EYA1: variants seen among roughly 807,000 people sequenced by gnomAD.
EYA1 encodes the protein EYA transcriptional coactivator and phosphatase 1.
Under a neutral mutation model 82.0 loss-of-function variants are expected in EYA1, and 16 were observed. That is an observed-to-expected ratio of 0.20 (90% CI 0.13 to 0.30). EYA1 has a LOEUF of 0.30. Ranked by LOEUF, EYA1 falls within the 10% of genes least tolerant of loss-of-function variation. EYA1 has a pLI of 1.00. For synonymous variants in EYA1, 261 were observed against 264.4 expected (o/e 0.99, Z 0.12); for missense variants, 633 against 730.7 (o/e 0.87, Z 1.54).
intron 6 of EYA1, 103 bp downstream of exon 6, chr8:71,321,631 C>T (rs563563624): frequency 2.4e-5 from 33 of 1,401,238 alleles, no homozygotes; most frequent in South Asian, 8.4e-5. Flanking sequence ...GGTGACAACA[C>T]GTTCTAAATT....
At chr8:71,516,022 C>T (rs1336427545) in intron 2 of EYA1, among the ~76,000 whole-genome samples, 1 of 152,064 alleles carries the variant, frequency 6.6e-6, no homozygotes, top group Non-Finnish European at 1.5e-5. Context: ...AACATAATCC[C>T]AATTTGCCAT....
intron 11 of EYA1, among the ~76,000 whole-genome samples, chr8:71,254,554 T>A (rs1248943449): frequency 6.6e-6 from 1 of 151,970 alleles, no homozygotes; most frequent in East Asian, 1.9e-4. Context: ...CTTTATAAAC[T>A]AGAAAGAAAA....
chr8:71,246,139 A>C (rs969246663), intron 11 of EYA1, among the ~76,000 whole-genome samples: 16 of 152,228 alleles, frequency 1.1e-4, no homozygotes, highest in Admixed American at 7.2e-4. Context: ...CTATAAAATG[A>C]ATTTTTTAAG....
At chr8:71,451,573 A>G (rs1807376783) in intron 2 of EYA1, among the ~76,000 whole-genome samples, 1 of 152,160 alleles carries the variant, frequency 6.6e-6, no homozygotes, top group Admixed American at 6.5e-5. Context: ...TTTCTTATTT[A>G]TTATCCTCAT....
intron 2 of EYA1, among the ~76,000 whole-genome samples, chr8:71,423,308 T>C (rs1225659141): frequency 6.6e-6 from 1 of 152,180 alleles, no homozygotes; most frequent in Non-Finnish European, 1.5e-5. Flanking sequence ...GAAATATTTT[T>C]CCCCAACAAC....
At chr8:71,249,525 T>A (rs1813495959) in intron 11 of EYA1, among the ~76,000 whole-genome samples, 1 of 151,972 alleles carries the variant, frequency 6.6e-6, no homozygotes, top group Admixed American at 6.6e-5. Flanking sequence ...GAGGTAACCA[T>A]CCCCATGATT....
intron 2 of EYA1, among the ~76,000 whole-genome samples, chr8:71,386,491 A>AT (rs34809523): frequency 3.3e-5 from 5 of 152,326 alleles, no homozygotes; most frequent in Non-Finnish European, 5.9e-5. Context: ...ATTACAAATA[A>AT]TTTTTTAAAC....
intron 9 of EYA1, among the ~76,000 whole-genome samples, chr8:71,274,261 G>A (rs1253023478): frequency 6.6e-6 from 1 of 152,140 alleles, no homozygotes; most frequent in Non-Finnish European, 1.5e-5. Context: ...GGAGGAAGAT[G>A]AAAATAAAAG....
At chr8:71,481,836 CAGG>C (rs1314048528) in intron 2 of EYA1, among the ~76,000 whole-genome samples, 2 of 151,352 alleles carry the variant, frequency 1.3e-5, no homozygotes, top group East Asian at 1.9e-4. Context: ...GAAGGAGGAG[CAGG>C]AGGAGGAGGA....
At chr8:71,520,462 C>T (rs1379750633) in intron 2 of EYA1, among the ~76,000 whole-genome samples, 1 of 152,196 alleles carries the variant, frequency 6.6e-6, no homozygotes, top group Non-Finnish European at 1.5e-5. Context: ...AAGAGCTTAA[C>T]TACAACTCTA....
At position 71,354,871 on chromosome 8, in the gene EYA1, C is replaced by T. The variant is rs74720958; in HGVS notation, c.35G>A (p.Arg12His). ...EMQDLTSPHS[R>H]LSGSSESPSG... is the part of the protein sequence containing the mutation. ...GGGGGATTCACTACTACCACTCAGA[C>T]GGCTATGCGGGCTGGTTAGATCCTG... Residue 12 changes from arginine (R) to histidine (H), a missense_variant, in exon 3 of 18, where the codon CGT becomes CAT. Coordinates refer to ENST00000340726, the MANE Select transcript of EYA1 (RefSeq NM_000503.6). 578 of 1,613,614 alleles carry T rather than the reference C, an allele frequency of 3.6e-4. No homozygotes were observed. Among genetic ancestry groups the T allele is most frequent in the African/African-American group, 4.5e-4 (34 of 75,018 alleles).
intron 7 of EYA1, among the ~76,000 whole-genome samples, chr8:71,316,101 C>T (rs180948491): frequency 2.2e-4 from 33 of 152,090 alleles, no homozygotes; most frequent in Non-Finnish European, 7.4e-5. Context: ...GAAGAAAAAA[C>T]GTTTTATGTT....
At chr8:71,421,431 C>T (rs1831143662) in intron 2 of EYA1, among the ~76,000 whole-genome samples, 1 of 152,096 alleles carries the variant, frequency 6.6e-6, no homozygotes, top group Non-Finnish European at 1.5e-5. Flanking sequence ...ATGAAAGAAC[C>T]AAACTGAAAA....
chr8:71,272,013 A>C, intron 9 of EYA1, 116 bp from the exon 10 acceptor site: 1 of 1,056,802 alleles, frequency 9.5e-7, no homozygotes, highest in Non-Finnish European at 1.5e-6. Context: ...CATTCTGCTG[A>C]AATCCTACAT....
At chr8:71,214,974 G>A (rs907167864) in intron 16 of EYA1, among the ~76,000 whole-genome samples, 8 of 152,136 alleles carry the variant, frequency 5.3e-5, no homozygotes, top group African/African-American at 1.9e-4. Flanking sequence ...CAGATTGAAT[G>A]AAAAACAAAA....
rs763362163 is a variant in EYA1 at position 71,317,574 on chromosome 8, T to G, written c.534A>C (p.Ala178=). The G allele has an allele frequency of 1.2e-6, 2 of 1,614,124 alleles. No homozygotes were observed. Among genetic ancestry groups the G allele is most frequent in the Non-Finnish European group, 1.7e-6 (2 of 1,180,002 alleles). The change falls in exon 7 of 18, where the codon GCA becomes GCC. Residue 178 remains alanine (A), a synonymous_variant. Transcript: ENST00000340726. The part of the protein sequence containing the change: ...TSFSTPQPGQ[A]PYSYQMQGSS... Reference sequence around the variant, plus strand: ...GACCTTGCATCTGGTAGCTGTATGGTGCCTGTCCAGGTTGAGGGGTACTGA... The same window carrying G: ...GACCTTGCATCTGGTAGCTGTATGGGGCCTGTCCAGGTTGAGGGGTACTGA...
At chr8:71,400,450 G>GA (rs965685305) in intron 2 of EYA1, among the ~76,000 whole-genome samples, 21 of 149,970 alleles carry the variant, frequency 1.4e-4, no homozygotes, top group South Asian at 4.2e-4. Flanking sequence ...AAATTTACAA[G>GA]AAAAAAAAAC....
At chr8:71,306,128 G>A (rs1026588927) in intron 7 of EYA1, among the ~76,000 whole-genome samples, 1 of 152,196 alleles carries the variant, frequency 6.6e-6, no homozygotes, top group African/African-American at 2.4e-5. Context: ...TGCTAAGGAG[G>A]TGCTCAGCAA....
chr8:71,273,131 C>G (rs1677102162), intron 9 of EYA1, among the ~76,000 whole-genome samples: 2 of 152,192 alleles, frequency 1.3e-5, no homozygotes, highest in Admixed American at 1.3e-4. Context: ...CAGGAGACAG[C>G]TCTATACCTC....
Sources: gnomAD v4.1 joint callset for allele counts (sites outside exome capture counted in the v4.1 genomes callset) on GRCh38, gnomAD v4.1.1 for gene constraint, MANE v1.5 for transcripts, NCBI Gene and HGNC (gene_info 2026-07-23, HGNC 2026-07-21) for gene names.